The following FBN1 variants were observed in gnomAD, a reference collection of about 807,000 sequenced individuals.
FBN1 encodes fibrillin 1.
FBN1 carries 29 observed loss-of-function variants against 365.1 expected under a neutral mutation model. The observed-to-expected ratio is 0.08, with a 90% CI of 0.06 to 0.11. The LOEUF (loss-of-function observed/expected upper bound fraction) is 0.11. FBN1 is among the 10% of genes least tolerant of loss of function. The pLI is 1.00. For synonymous variants in FBN1, 1,210 were observed against 1,270.5 expected, an observed-to-expected ratio of 0.95 and a Z score of 1.01; for missense variants, 2,476 against 3,703.2, an observed-to-expected ratio of 0.67 and a Z score of 8.60.
At chr15:48,568,197 G>A (rs1032175843) in intron 6 of FBN1, among the ~76,000 whole-genome samples, 19 of 120,548 alleles carry the variant, frequency 1.6e-4, no homozygotes, top group Admixed American at 8.9e-4. Context: ...AGTATACAAA[G>A]AGCAGTCATA....
intron 15 of FBN1, 52 bp downstream of exon 15, chr15:48,508,530 A>C (rs2043730292): frequency 6.2e-7 from 1 of 1,612,018 alleles, no homozygotes; most frequent in African/African-American, 1.3e-5. Flanking sequence ...AAACAACATA[A>C]GGAGGAGAAA....
intron 4 of FBN1, among the ~76,000 whole-genome samples, chr15:48,608,466 C>A (rs556311637): frequency 1.3e-5 from 2 of 152,298 alleles, no homozygotes; most frequent in East Asian, 3.9e-4. Context: ...CCTAGAACAT[C>A]ACTCCAAAAG....
intron 8 of FBN1, among the ~76,000 whole-genome samples, chr15:48,531,693 G>A (rs1274817744): frequency 3.9e-5 from 6 of 152,204 alleles, no homozygotes; most frequent in South Asian, 2.1e-4. Flanking sequence ...CACTGTAACC[G>A]GAAAAGAGCA....
intron 2 of FBN1, 70 bp from the exon 3 acceptor site, chr15:48,613,162 G>T: frequency 8.3e-7 from 1 of 1,203,542 alleles, no homozygotes. Context: ...CAAATAAAAG[G>T]AAAAAAAATT....
At chr15:48,494,484 G>C (rs2043587512) in intron 22 of FBN1, among the ~76,000 whole-genome samples, 1 of 152,154 alleles carries the variant, frequency 6.6e-6, no homozygotes, top group South Asian at 2.1e-4. Flanking sequence ...TACTCCAAAA[G>C]ACACAGACGT....
chr15:48,476,284 C>T (rs1321697864), intron 32 of FBN1, among the ~76,000 whole-genome samples: 1 of 152,194 alleles, frequency 6.6e-6, no homozygotes, highest in Non-Finnish European at 1.5e-5. Context: ...CAACAAATCA[C>T]CATTTTTGTG....
chr15:48,458,128 C>T (rs1488521351), intron 43 of FBN1, among the ~76,000 whole-genome samples: 2 of 152,156 alleles, frequency 1.3e-5, no homozygotes, highest in African/African-American at 2.4e-5. Flanking sequence ...GTTTCTATGA[C>T]TGTTGTTGAG....
intron 6 of FBN1, among the ~76,000 whole-genome samples, chr15:48,570,645 T>C (rs1456340295): frequency 1.3e-5 from 2 of 152,210 alleles, no homozygotes; most frequent in African/African-American, 2.4e-5. Context: ...TCACTACATT[T>C]AAACTGGAAA....
intron 30 of FBN1, among the ~76,000 whole-genome samples, chr15:48,485,161 G>A (rs1216556133): frequency 6.6e-6 from 1 of 152,158 alleles, no homozygotes; most frequent in African/African-American, 2.4e-5. Context: ...CAGGTACTAT[G>A]GTAAGCTCTG....
intron 6 of FBN1, among the ~76,000 whole-genome samples, chr15:48,569,869 G>A (rs1402098907): frequency 1.3e-5 from 2 of 151,892 alleles, no homozygotes; most frequent in African/African-American, 4.8e-5. Context: ...ACTAGATTGT[G>A]GTAATGGTTG....
intron 13 of FBN1, among the ~76,000 whole-genome samples, chr15:48,512,691 T>C (rs902630574): frequency 2.6e-5 from 4 of 152,206 alleles, no homozygotes; most frequent in African/African-American, 9.6e-5. Flanking sequence ...TTCCATGGTG[T>C]ACATGTACTA....
Position 48,415,668 on chromosome 15 carries a change from T to G in FBN1, c.7919A>C (p.Glu2640Ala), listed in dbSNP as rs755825345. Residue 2640 changes from glutamate (E) to alanine (A), a missense_variant, in exon 64 of 66, where the codon GAA becomes GCA. Coordinates refer to ENST00000316623, the MANE Select transcript of FBN1 (RefSeq NM_000138.5). ...KCMCPAGFQY[E>A]QFSGGCQDIN... ...GTCTTGGCATCCTCCACTGAACTGT[T>G]CATACTGGAAGCCGGCGGGACACAT... 5.0e-6 allele frequency: 8 copies of G among 1,614,194 alleles called. No individual in the cohort carries two copies. The highest frequency in any genetic ancestry group is 6.8e-6 in the Non-Finnish European group (8 of 1,180,036).
intron 6 of FBN1, among the ~76,000 whole-genome samples, chr15:48,588,974 A>G (rs2044456174): frequency 1.3e-5 from 2 of 152,204 alleles, no homozygotes; most frequent in Non-Finnish European, 1.5e-5. Context: ...TCCAATGAGC[A>G]TTTGCTAACG....
intron 6 of FBN1, among the ~76,000 whole-genome samples, chr15:48,581,608 T>C (rs1324481404): frequency 1.3e-5 from 2 of 152,138 alleles, no homozygotes; most frequent in Admixed American, 1.3e-4. Flanking sequence ...ATTCTAAATA[T>C]TGCCTAGTTC....
At position 48,526,142 on chromosome 15, in the gene FBN1, T is replaced by A; in HGVS notation, c.976A>T (p.Thr326Ser). ...PPGFYTSPDGTRCIDVRPGYC... is the reference protein window; with the variant it reads ...PPGFYTSPDGSRCIDVRPGYC... ...TCATTAAACCTACCTATGCATCTGG[T>A]ACCATCTGGAGAGGTGTAAAAACCA... The change falls in exon 9 of 66, where the codon ACC (threonine) becomes TCC (serine). Residue 326 changes from threonine (T) to serine (S), a missense_variant. Coordinates refer to ENST00000316623, the MANE Select transcript of FBN1 (RefSeq NM_000138.5). 6.2e-7 allele frequency: 1 copy of A among 1,614,200 alleles called. No homozygotes were observed. Among genetic ancestry groups the A allele is most frequent in the Non-Finnish European group, 8.5e-7 (1 of 1,180,014 alleles).
chr15:48,527,347 T>C (rs16961090), intron 8 of FBN1, among the ~76,000 whole-genome samples: 1 of 152,158 alleles, frequency 6.6e-6, no homozygotes, highest in Non-Finnish European at 1.5e-5. Context: ...TGTCAACAGA[T>C]ACGGCACCAG....
chr15:48,472,440 C>T, intron 35 of FBN1, 111 bp downstream of exon 35: 5 of 1,433,716 alleles, frequency 3.5e-6, no homozygotes, highest in Non-Finnish European at 3.9e-6. Context: ...AGAAATGAAG[C>T]TAAAACACAC....
intron 20 of FBN1, 117 bp from the exon 21 acceptor site, chr15:48,495,705 C>A: frequency 7.4e-7 from 1 of 1,349,986 alleles, no homozygotes; most frequent in Non-Finnish European, 1.1e-6. Flanking sequence ...TAAAGCTGGG[C>A]TAAATAGTTT....
Position 48,644,877 on chromosome 15 carries a change from C to A in FBN1, c.-108G>T. The A allele has an allele frequency of 8.9e-7, 1 of 1,125,544 alleles. No homozygotes were observed. The highest frequency in any genetic ancestry group is 3.1e-5 in the South Asian group (1 of 32,060). The allele number at this position is 1,125,544 out of a possible 1,614,324, so 69.7% of individuals were successfully genotyped here. ...CCGCGCCGCCGGGGTCCCGCTATCC[C>A]GCCGCCCGTCCCCCGGGCCGGGCTC... On this transcript the variant is annotated 5_prime_UTR_variant, in exon 2 of 66. Coordinates refer to ENST00000316623, the MANE Select transcript of FBN1 (RefSeq NM_000138.5).
Sources: allele counts gnomAD v4.1 joint callset (sites outside exome capture counted in the v4.1 genomes callset), GRCh38; gene constraint gnomAD v4.1.1; transcripts MANE v1.5; gene names NCBI Gene and HGNC (gene_info 2026-07-23, HGNC 2026-07-21).